Variants in OR56A3 observed in about 807,000 individuals in gnomAD.
The protein encoded by OR56A3 is olfactory receptor 56A3.
In OR56A3, 23 loss-of-function variants were observed where a neutral mutation model predicts 17.5. The observed-to-expected ratio is 1.32, with a 90% CI of 0.95 to 1.87. OR56A3 has a LOEUF of 1.87. Among genes scored for constraint, OR56A3 ranks in the 40% most tolerant of loss-of-function variants. OR56A3 has a pLI of 0.00. For missense variants in OR56A3, 366 were observed against 380.1 expected (o/e 0.96, Z 0.31); for synonymous variants, 175 against 150.6 (o/e 1.16, Z -1.19).
chr11:5,952,851 A>G (rs1055638087), downstream of OR56A3, among the ~76,000 whole-genome samples: 2 of 152,110 alleles, frequency 1.3e-5, no homozygotes, highest in African/African-American at 4.8e-5. Context: ...TGCCATCTTT[A>G]GGTCCATGAG....
chr11:5,964,712 C>T, the OR56A3 span, among the ~76,000 whole-genome samples: 7 of 152,182 alleles, frequency 4.6e-5, no homozygotes, highest in Non-Finnish European at 7.4e-5. Flanking sequence ...CACATGGCTA[C>T]GGGTTTCTAT....
rs200261072 is a variant in OR56A3 at position 5,948,282 on chromosome 11, G to T, written c.936G>T (p.Lys312Asn). 1 of 1,612,266 alleles carries T rather than the reference G, an allele frequency of 6.2e-7. No homozygotes were observed. Among genetic ancestry groups the T allele is most frequent in the Non-Finnish European group, 8.5e-7 (1 of 1,178,362 alleles). ...EIKQGMQRLLKKGC is the reference protein window; with the variant it reads ...EIKQGMQRLLNKGC The stretch of plus-strand genomic sequence containing the variant: ...AGCAGGGAATGCAGAGGTTGTTGAA[G>T]AAAGGGTGCTAACAAGGACCACTGG... The change falls in exon 3 of 3, where the codon AAG becomes AAT. Residue 312 changes from lysine to asparagine, a missense_variant. Transcript: ENST00000641160.
the OR56A3 span, among the ~76,000 whole-genome samples, chr11:5,958,387 C>A: frequency 6.6e-6 from 1 of 152,114 alleles, no homozygotes; most frequent in African/African-American, 2.4e-5. Context: ...AAGAATGACA[C>A]ATGGAGTAGG....
the OR56A3 span, among the ~76,000 whole-genome samples, chr11:5,958,502 T>C: frequency 9.2e-5 from 14 of 152,160 alleles, no homozygotes; most frequent in Non-Finnish European, 1.8e-4. Context: ...AAAGCAGTCT[T>C]TCTAAAATGG....
chr11:5,988,794 A>T, the OR56A3 span, among the ~76,000 whole-genome samples: 2 of 152,194 alleles, frequency 1.3e-5, no homozygotes, highest in Non-Finnish European at 2.9e-5. Context: ...TGTCCATGGG[A>T]TTCACCCTTG....
chr11:5,979,873 C>A, the OR56A3 span, among the ~76,000 whole-genome samples: 1 of 152,036 alleles, frequency 6.6e-6, no homozygotes, highest in Admixed American at 6.6e-5. Context: ...CCCAGAGATT[C>A]TCATATGTTA....
rs1490804684 is a variant in OR56A3 at position 5,951,024 on chromosome 11, G to A, written c.*2730G>A. 2.0e-5 allele frequency: 3 copies of A among 152,074 alleles called. No homozygotes were observed. The highest frequency in any genetic ancestry group is 2.9e-5 in the Non-Finnish European group (2 of 67,974). The allele number at this position is 152,074 out of a possible 1,614,324, so 9.4% of individuals were successfully genotyped here. ...TATATGTTTTGCCAAGGAAGTCAGG[G>A]TTTTAGAGGAGAGTAAAGTTTTTTT... On this transcript the variant is annotated 3_prime_UTR_variant, in exon 3 of 3. Transcript: ENST00000641160.
At chr11:5,953,619 A>G (rs1230186915), downstream of OR56A3, among the ~76,000 whole-genome samples, 2 of 152,156 alleles carry the variant, frequency 1.3e-5, no homozygotes, top group Non-Finnish European at 2.9e-5. Flanking sequence ...AAGAGTACAG[A>G]CCCAAATCCA....
the OR56A3 span, chr11:5,986,943 C>T: frequency 6.2e-7 from 1 of 1,608,864 alleles, no homozygotes. Flanking sequence ...TTTCTGCATT[C>T]CTGCTACATT....
At chr11:5,968,244 A>G in the OR56A3 span, 1 of 1,614,060 alleles carries the variant, frequency 6.2e-7, no homozygotes, top group Non-Finnish European at 8.5e-7. Context: ...GATGGCCAGG[A>G]CCTTGGGGAT....
chr11:5,986,340 A>G, the OR56A3 span: 1 of 1,614,046 alleles, frequency 6.2e-7, no homozygotes, highest in Non-Finnish European at 8.5e-7. Flanking sequence ...CCATATGTTC[A>G]CAATAGGCAT....
the OR56A3 span, among the ~76,000 whole-genome samples, chr11:5,966,125 C>G: frequency 1.0e-3 from 151 of 148,038 alleles, no homozygotes; most frequent in African/African-American, 3.6e-3. Flanking sequence ...AATCACAGCA[C>G]TTTGGGAGGC....
chr11:5,973,112 C>G, the OR56A3 span, among the ~76,000 whole-genome samples: 1 of 152,108 alleles, frequency 6.6e-6, no homozygotes, highest in South Asian at 2.1e-4. Context: ...TATTTGATAT[C>G]TGTATGAATT....
the OR56A3 span, among the ~76,000 whole-genome samples, chr11:5,962,580 A>G: frequency 0.62 from 90,392 of 145,590 alleles, 28,324 homozygotes; most frequent in African/African-American, 0.73. Flanking sequence ...CGCCCAGGCC[A>G]GACTGCGGAC....
the OR56A3 span, among the ~76,000 whole-genome samples, chr11:5,958,853 A>T: frequency 1.9e-4 from 29 of 152,220 alleles, no homozygotes; most frequent in African/African-American, 7.0e-4. Context: ...GCTTTTTTAG[A>T]TTCCACATAT....
the OR56A3 span, chr11:5,967,945 T>C: frequency 1.3e-6 from 2 of 1,595,412 alleles, no homozygotes; most frequent in Non-Finnish European, 1.7e-6. Context: ...ACAGACACGT[T>C]AGTACAGATG....
the OR56A3 span, among the ~76,000 whole-genome samples, chr11:5,992,296 G>A: frequency 2.0e-5 from 3 of 152,046 alleles, no homozygotes; most frequent in Admixed American, 6.5e-5. Context: ...CTTCTCCAAC[G>A]CAGTTCACAC....
chr11:5,988,470 A>G, the OR56A3 span, among the ~76,000 whole-genome samples: 1 of 152,222 alleles, frequency 6.6e-6, no homozygotes, highest in African/African-American at 2.4e-5. Flanking sequence ...TTGGCAGGAT[A>G]CTAAAACTCT....
the OR56A3 span, among the ~76,000 whole-genome samples, chr11:5,997,052 G>A: frequency 6.6e-6 from 1 of 152,152 alleles, no homozygotes; most frequent in Non-Finnish European, 1.5e-5. Flanking sequence ...AATTATAGTT[G>A]ATAACATAAA....
Sources: allele counts gnomAD v4.1 joint callset (sites outside exome capture counted in the v4.1 genomes callset), GRCh38; gene constraint gnomAD v4.1.1; transcripts MANE v1.5; gene names NCBI Gene and HGNC (gene_info 2026-07-23, HGNC 2026-07-21).